IRAK3: variants seen among roughly 807,000 people sequenced by gnomAD.
IRAK3 encodes the protein interleukin 1 receptor associated kinase 3.
IRAK3 carries 57 observed loss-of-function variants against 56.6 expected under a neutral mutation model. The ratio of observed to expected loss-of-function variants is 1.01; its 90% confidence interval spans 0.81 to 1.26. The LOEUF (loss-of-function observed/expected upper bound fraction) is 1.26, where lower values mean the gene tolerates loss of function less well. Among genes scored for constraint, IRAK3 ranks in the 50% most tolerant of loss-of-function variants. IRAK3 has a pLI of 0.00. For missense variants in IRAK3, 703 were observed against 719.0 expected (o/e 0.98, Z 0.25); for synonymous variants, 258 against 255.7 (o/e 1.01, Z -0.09).
At chr12:66,200,468 G>A (rs956949605) in intron 1 of IRAK3, among the ~76,000 whole-genome samples, 2 of 152,114 alleles carry the variant, frequency 1.3e-5, no homozygotes, top group African/African-American at 4.8e-5. Context: ...AACCTGAAAG[G>A]GCAGGGAGAT....
chr12:66,191,425 C>A (rs1355500948), intron 1 of IRAK3, among the ~76,000 whole-genome samples: 1 of 152,186 alleles, frequency 6.6e-6, no homozygotes, highest in East Asian at 1.9e-4. Flanking sequence ...GTTTCTTGGA[C>A]TGGTTGATGT....
At chr12:66,221,953 C>G (rs764381854) in intron 6 of IRAK3, among the ~76,000 whole-genome samples, 2 of 152,162 alleles carry the variant, frequency 1.3e-5, no homozygotes, top group Non-Finnish European at 2.9e-5. Flanking sequence ...TGCTTGAACC[C>G]GGGAGGCGGA....
At chr12:66,244,822 A>T in intron 9 of IRAK3, 126 bp from the exon 10 acceptor site, 1 of 1,057,208 alleles carries the variant, frequency 9.5e-7, no homozygotes, top group Non-Finnish European at 1.4e-6. Flanking sequence ...TTGTGTAATC[A>T]AGCAATTAAT....
At chr12:66,215,627 T>C (rs2052662454) in intron 5 of IRAK3, among the ~76,000 whole-genome samples, 1 of 152,224 alleles carries the variant, frequency 6.6e-6, no homozygotes, top group Non-Finnish European at 1.5e-5. Flanking sequence ...AGAATTTAGT[T>C]GCTAGTTGTT....
intron 6 of IRAK3, among the ~76,000 whole-genome samples, chr12:66,223,312 T>C (rs2052753699): frequency 6.6e-6 from 1 of 152,166 alleles, no homozygotes; most frequent in African/African-American, 2.4e-5. Flanking sequence ...AGTTTATCAA[T>C]GTTTTCTTTT....
intron 2 of IRAK3, among the ~76,000 whole-genome samples, chr12:66,204,786 A>ATG (rs1565800581): frequency 3.0e-5 from 4 of 134,802 alleles, no homozygotes; most frequent in East Asian, 2.1e-4. Flanking sequence ...GCGCACACAC[A>ATG]CACACACACA....
At chr12:66,215,736 C>T (rs997997835) in intron 5 of IRAK3, among the ~76,000 whole-genome samples, 7 of 149,870 alleles carry the variant, frequency 4.7e-5, no homozygotes, top group African/African-American at 7.4e-5. Flanking sequence ...AAAGTATGGC[C>T]GGACTTTGCC....
chr12:66,210,084 T>A (rs2052596856), intron 3 of IRAK3, 63 bp from the exon 4 acceptor site: 1 of 1,077,544 alleles, frequency 9.3e-7, no homozygotes, highest in East Asian at 2.4e-5. Context: ...GGATTTGTGT[T>A]GAGGCTCTGT....
chr12:66,204,094 A>G (rs1322832387), intron 2 of IRAK3, among the ~76,000 whole-genome samples: 1 of 152,030 alleles, frequency 6.6e-6, no homozygotes, highest in African/African-American at 2.4e-5. Context: ...CTTATACAAC[A>G]TATTTCTTTC....
chr12:66,226,087 T>C (rs892863908), intron 6 of IRAK3, among the ~76,000 whole-genome samples: 1 of 152,230 alleles, frequency 6.6e-6, no homozygotes, highest in African/African-American at 2.4e-5. Flanking sequence ...TAAGTTAATA[T>C]TGAATAGTGT....
chr12:66,190,452 G>A (rs914454403), intron 1 of IRAK3, among the ~76,000 whole-genome samples: 45 of 152,244 alleles, frequency 3.0e-4, no homozygotes, highest in African/African-American at 1.0e-3. Flanking sequence ...GATTTTGAGG[G>A]ATAAGGTCAC....
intron 4 of IRAK3, among the ~76,000 whole-genome samples, chr12:66,210,846 T>C (rs1470041267): frequency 6.6e-6 from 1 of 152,218 alleles, no homozygotes; most frequent in Non-Finnish European, 1.5e-5. Flanking sequence ...GTATTAGCTA[T>C]GGAAATATAG....
At chr12:66,239,705 C>T (rs1285849463) in intron 8 of IRAK3, among the ~76,000 whole-genome samples, 2 of 152,096 alleles carry the variant, frequency 1.3e-5, no homozygotes, top group Non-Finnish European at 2.9e-5. Flanking sequence ...TCCCCCAGTG[C>T]CTCCCCTCTT....
At chr12:66,209,742 G>T (rs2052594129) in intron 3 of IRAK3, among the ~76,000 whole-genome samples, 1 of 152,300 alleles carries the variant, frequency 6.6e-6, no homozygotes, top group Middle Eastern at 3.4e-3. Context: ...TCAGTGATCT[G>T]TCAGAGATGA....
At chr12:66,232,988 A>ATTATTAT (rs2052859365) in intron 8 of IRAK3, among the ~76,000 whole-genome samples, 1 of 149,498 alleles carries the variant, frequency 6.7e-6, no homozygotes, top group African/African-American at 2.5e-5. Context: ...TAACCCTTTG[A>ATTATTAT]TATTATTATT....
At chr12:66,239,695 T>C (rs1285590374) in intron 8 of IRAK3, among the ~76,000 whole-genome samples, 1 of 152,198 alleles carries the variant, frequency 6.6e-6, no homozygotes, top group Non-Finnish European at 1.5e-5. Flanking sequence ...TTTCCTGTTT[T>C]CCCCCAGTGC....
At chr12:66,199,663 G>A (rs2052488154) in intron 1 of IRAK3, among the ~76,000 whole-genome samples, 1 of 152,074 alleles carries the variant, frequency 6.6e-6, no homozygotes, top group Non-Finnish European at 1.5e-5. Flanking sequence ...CACACTTAGT[G>A]CATACAATTA....
Position 66,244,540 on chromosome 12 carries a change from G to A in IRAK3, c.942G>A (p.Met314Ile). The A allele has an allele frequency of 6.2e-7, 1 of 1,614,048 alleles. No homozygotes were observed. The highest frequency in any genetic ancestry group is 8.5e-7 in the Non-Finnish European group (1 of 1,179,986). The change falls in exon 9 of 12, where the codon ATG (methionine) becomes ATA (isoleucine). Residue 314 changes from methionine to isoleucine, a missense_variant. By Grantham distance (10) the Met-to-Ile change is conservative. Transcript: ENST00000261233. The stretch of plus-strand genomic sequence containing the variant: ...AACCCAAACTAACTGATTTTGCCAT[G>A]GCACACTTCCGGTCCCACCTAGAAC... ...QFQPKLTDFA[M>I]AHFRSHLEHQ...
chr12:66,231,582 G>T (rs1244104311), intron 8 of IRAK3, among the ~76,000 whole-genome samples: 2 of 152,166 alleles, frequency 1.3e-5, no homozygotes, highest in African/African-American at 4.8e-5. Flanking sequence ...GTCTGAGAAG[G>T]CTTCCTCTCG....
Sources: gnomAD v4.1 joint callset for allele counts (sites outside exome capture counted in the v4.1 genomes callset) on GRCh38, gnomAD v4.1.1 for gene constraint, MANE v1.5 for transcripts, NCBI Gene and HGNC (gene_info 2026-07-23, HGNC 2026-07-21) for gene names.